RAB37: variants seen among roughly 807,000 people sequenced by gnomAD.
RAB37 encodes the protein RAB37, member RAS oncogene family.
RAB37 carries 29 observed loss-of-function variants against 33.1 expected under a neutral mutation model. The ratio of observed to expected loss-of-function variants is 0.88; its 90% CI spans 0.65 to 1.20. RAB37 has a LOEUF of 1.20. RAB37 is among the 50% of genes most tolerant of loss of function. The pLI is 0.00. For missense variants in RAB37, 299 were observed against 301.1 expected (o/e 0.99, Z 0.05); for synonymous variants, 128 against 119.5 (o/e 1.07, Z -0.47).
At chr17:74,672,258 G>A (rs2031722477) in intron 1 of RAB37, among the ~76,000 whole-genome samples, 1 of 150,134 alleles carries the variant, frequency 6.7e-6, no homozygotes, top group Non-Finnish European at 1.5e-5. Context: ...CTCCCCCTAA[G>A]ATAGTTGTTG....
In RAB37 at chr17:74,731,823, C is replaced by T. The variant is rs1300187991; in HGVS notation, c.183+2457C>T. Among the ~76,000 whole-genome samples the T allele has an allele frequency of 2.6e-5, 4 of 151,992 alleles. No individual in the cohort carries two copies. The East Asian group carries it at 7.7e-4, about 29-fold the overall frequency. On this transcript the variant is annotated intron_variant, in intron 2 of 7. Coordinates refer to the RAB37 transcript ENST00000340415. The stretch of plus-strand genomic sequence containing the variant: ...AGGAGTTCAAGACCAGCCTGGCCAA[C>T]ATGGCAAAACCCCTTCTCTACTAAA...
At position 74,713,899 on chromosome 17, in the gene RAB37, C is replaced by CA. The variant is rs55993385; in HGVS notation, c.73-15328dup. 6.4e-4 allele frequency among the ~76,000 whole-genome samples: 33 copies of CA among 51,206 alleles called. 2 individuals are homozygous for CA. Among genetic ancestry groups the CA allele is most frequent in the East Asian group, 3.7e-3 (5 of 1,338 alleles). The allele number at this position is 51,206 out of a possible 152,430, so 33.6% of individuals were successfully genotyped here. On this transcript the variant is annotated intron_variant, in intron 1 of 7. Coordinates refer to the RAB37 transcript ENST00000340415. ...GCAACATGGCAAGGCTTCATCTCCA[C>CA]AAAAAAAAAAAAAAAAAAAAAAAAA...
intron 1 of RAB37, among the ~76,000 whole-genome samples, chr17:74,694,048 T>C (rs776010292): frequency 3.9e-5 from 6 of 152,098 alleles, no homozygotes; most frequent in Non-Finnish European, 8.8e-5. Flanking sequence ...ATCCTCCTTA[T>C]ACAAACAGTG....
chr17:74,675,286 T>C (rs2031803795), intron 1 of RAB37, among the ~76,000 whole-genome samples: 1 of 151,884 alleles, frequency 6.6e-6, no homozygotes, highest in Non-Finnish European at 1.5e-5. Context: ...AATACAAAAA[T>C]TAGCCGGGGG....
chr17:74,671,525 A>G lies in RAB37; in HGVS notation c.-62A>G, dbSNP rs1269414012. 2.6e-5 allele frequency: 40 copies of G among 1,543,522 alleles called. No individual in the cohort carries two copies. Among genetic ancestry groups the G allele is most frequent in the Non-Finnish European group, 3.6e-5 (40 of 1,118,722 alleles). The stretch of plus-strand genomic sequence containing the variant: ...GCCGCACCCAGCGGAGCTCGAACCG[A>G]GCTCCTGGAAGCGCTGACGCAGAGC... On this transcript the variant is annotated 5_prime_UTR_variant, in exon 1 of 8. Coordinates refer to the RAB37 transcript ENST00000340415. The surrounding 1 kb of genome is among the most constrained non-coding windows in gnomAD (Gnocchi z 5.0).
chr17:74,717,670 G>T (rs1489673507), intron 1 of RAB37, among the ~76,000 whole-genome samples: 1 of 151,824 alleles, frequency 6.6e-6, no homozygotes, highest in Non-Finnish European at 1.5e-5. Context: ...AAATTAGCCA[G>T]ATGTGGTGCA....
chr17:74,714,258 T>C (rs2034122422), intron 1 of RAB37, among the ~76,000 whole-genome samples: 1 of 152,016 alleles, frequency 6.6e-6, no homozygotes, highest in Non-Finnish European at 1.5e-5. Context: ...GAGTCATGCA[T>C]GCCTGTAGTC....
At position 74,745,221 on chromosome 17, in the gene RAB37, G is replaced by T; in HGVS notation, c.567-85G>T. 1 of 1,533,064 alleles carries T rather than the reference G, an allele frequency of 6.5e-7. No individual in the cohort carries two copies. The highest frequency in any genetic ancestry group is 2.2e-5 in the East Asian group (1 of 44,446). The allele number at this position is 1,533,064 out of a possible 1,614,324, so 95.0% of individuals were successfully genotyped here. A position where few individuals can be genotyped will look rare whatever the true frequency, so the allele number is the denominator to read the frequency against. On this transcript the variant is annotated intron_variant, in intron 8 of 8. Coordinates refer to ENST00000392613, the MANE Select transcript of RAB37 (RefSeq NM_001006638.3). This position sits in a 1 kb window ranked among gnomAD's most constrained non-coding sequence, Gnocchi z 4.5. ...GAGGTCCATTTGCTCTGGGAGCACTGGGCCACTGGGAGAGGGGAGGGGGCG... is the reference window on the plus strand; with the variant it reads ...GAGGTCCATTTGCTCTGGGAGCACTTGGCCACTGGGAGAGGGGAGGGGGCG...
intron 1 of RAB37, among the ~76,000 whole-genome samples, chr17:74,702,712 G>A (rs1193636828): frequency 1.3e-5 from 2 of 152,084 alleles, no homozygotes; most frequent in Non-Finnish European, 2.9e-5. Context: ...CTCCCACACT[G>A]AGCTCCACGG....
At chr17:74,672,884 G>T (rs2031737043) in intron 1 of RAB37, 1 of 152,170 alleles carries the variant, frequency 6.6e-6, no homozygotes, top group South Asian at 2.1e-4. Flanking sequence ...GTGCCATGCT[G>T]CCTGTTTCTG....
chr17:74,712,796 C>T lies in RAB37; in HGVS notation c.73-16460C>T, dbSNP rs1035222285. On this transcript the variant is annotated intron_variant, in intron 1 of 7. Transcript: ENST00000340415. ...ACCTCCTCCTGCTTGCTAAGCTTCC[C>T]CAAGAAGACAGACCCAGGCCCGCTC... is the stretch of plus-strand genomic sequence containing the variant. 3.7e-6 allele frequency: 6 copies of T among 1,613,580 alleles called. No individual in the cohort carries two copies. The African/African-American group carries it at 6.7e-5, about 18-fold the overall frequency.
At chr17:74,712,888 G>T (rs200814939) in intron 1 of RAB37, 3 of 1,613,152 alleles carry the variant, frequency 1.9e-6, no homozygotes, top group Admixed American at 1.7e-5. Context: ...ACAGGTCCCC[G>T]TTCCCCTCAG....
At chr17:74,698,345 C>G in intron 1 of RAB37, 1 of 1,547,392 alleles carries the variant, frequency 6.5e-7, no homozygotes, top group Non-Finnish European at 8.9e-7. Flanking sequence ...CAGTCTCAGC[C>G]CAGCCTCACC....
Position 74,744,449 on chromosome 17 carries a change from C to G in RAB37, c.432+76C>G. ...AGCCGGCCCCATAACCACCCAAGAACAGTTATCTAGGCATCCTTCCTGAAA... is the reference window on the plus strand; with the variant it reads ...AGCCGGCCCCATAACCACCCAAGAAGAGTTATCTAGGCATCCTTCCTGAAA... On this transcript the variant is annotated intron_variant, in intron 6 of 8. Transcript: ENST00000392613. This position sits in a 1 kb window ranked among gnomAD's most constrained non-coding sequence, Gnocchi z 4.2. The G allele has an allele frequency of 1.4e-6, 2 of 1,386,760 alleles. No homozygotes were observed. The highest frequency in any genetic ancestry group is 2.3e-5 in the East Asian group (1 of 43,752). The allele number at this position is 1,386,760 out of a possible 1,614,324, so 85.9% of individuals were successfully genotyped here.
upstream of RAB37, among the ~76,000 whole-genome samples, chr17:74,733,909 C>A (rs1276545501): frequency 6.6e-6 from 1 of 152,120 alleles, no homozygotes; most frequent in Non-Finnish European, 1.5e-5. Context: ...ACCCAGCAGG[C>A]CTGCAGCCCC....
chr17:74,703,043 C>T (rs2033203176), intron 1 of RAB37: 1 of 1,613,486 alleles, frequency 6.2e-7, no homozygotes, highest in Non-Finnish European at 8.5e-7. Context: ...ACCTGTTGTC[C>T]AAGTGGTGGC....
intron 1 of RAB37, chr17:74,696,104 T>C (rs2032443018): frequency 6.7e-7 from 1 of 1,490,288 alleles, no homozygotes; most frequent in Non-Finnish European, 9.1e-7. Context: ...ACAGGACTTC[T>C]CTGATATTTT....
chr17:74,739,408 C>T (rs2034553556), intron 1 of RAB37, among the ~76,000 whole-genome samples: 1 of 152,182 alleles, frequency 6.6e-6, no homozygotes, highest in Non-Finnish European at 1.5e-5. Flanking sequence ...CCCACAGCAA[C>T]CCCGGGATGC....
chr17:74,707,717 A>G (rs892494089), intron 1 of RAB37, among the ~76,000 whole-genome samples: 69 of 129,196 alleles, frequency 5.3e-4, no homozygotes, highest in Admixed American at 4.1e-3. Flanking sequence ...TCCATCTCAG[A>G]AAAAAAAAAA....
Sources: gnomAD v4.1 joint callset for allele counts (sites outside exome capture counted in the v4.1 genomes callset) on GRCh38, gnomAD v4.1.1 for gene constraint, Gnocchi (gnomAD v3.1) non-coding constraint, MANE v1.5 for transcripts, NCBI Gene and HGNC (gene_info 2026-07-23, HGNC 2026-07-21) for gene names.